The following CEP128 variants were observed in gnomAD, a reference collection of about 807,000 sequenced individuals.
The protein encoded by CEP128 is centrosomal protein 128.
Under a neutral mutation model 156.7 loss-of-function variants are expected in CEP128, and 132 were observed. The ratio of observed to expected loss-of-function variants is 0.84; its 90% CI spans 0.73 to 0.97. The LOEUF is 0.97. Ranked by LOEUF, CEP128 falls within the 50% of genes least tolerant of loss-of-function variation. The probability of loss-of-function intolerance (pLI) is 0.00; values close to 1 mark genes in which losing one functional copy is unlikely to be tolerated. For missense variants in CEP128, 1,252 were observed against 1,281.9 expected, an observed-to-expected ratio of 0.98 and a Z score of 0.36; for synonymous variants, 469 against 448.9, an observed-to-expected ratio of 1.04 and a Z score of -0.57.
intron 19 of CEP128, among the ~76,000 whole-genome samples, chr14:80,610,596 A>G (rs773792113): frequency 6.6e-6 from 1 of 152,160 alleles, no homozygotes; most frequent in Non-Finnish European, 1.5e-5. Context: ...TCTTAGTAAG[A>G]GCATAAATCA....
intron 19 of CEP128, among the ~76,000 whole-genome samples, chr14:80,607,183 A>G (rs539857349): frequency 3.1e-4 from 47 of 152,044 alleles, no homozygotes; most frequent in Non-Finnish European, 5.9e-4. Flanking sequence ...ACGTAAATCT[A>G]TATCATATAG....
intron 22 of CEP128, among the ~76,000 whole-genome samples, chr14:80,528,402 C>G (rs1412494704): frequency 6.6e-6 from 1 of 152,246 alleles, no homozygotes; most frequent in Non-Finnish European, 1.5e-5. Flanking sequence ...AATTCTCCTG[C>G]CCCAGCCTCC....
intron 23 of CEP128, among the ~76,000 whole-genome samples, chr14:80,507,120 G>C (rs1298205470): frequency 6.6e-6 from 1 of 151,712 alleles, no homozygotes; most frequent in Admixed American, 6.6e-5. Context: ...CCTCCCCAAA[G>C]CCAAGCAGAT....
At position 80,497,030 on chromosome 14, in the gene CEP128, T is replaced by C. The variant is rs1393143954; in HGVS notation, c.*449A>G. ...ACATGTTATAACACATGATAATTTA[T>C]TAGGGAGAAAATTTTTCAAAAAATC... is the stretch of plus-strand genomic sequence containing the variant. On this transcript the variant is annotated 3_prime_UTR_variant, in exon 25 of 25. Coordinates refer to ENST00000555265, the MANE Select transcript of CEP128 (RefSeq NM_152446.5). The C allele has an allele frequency of 1.4e-5, 1 of 70,244 alleles. No individual in the cohort carries two copies. Among genetic ancestry groups the C allele is most frequent in the African/African-American group, 3.2e-5 (1 of 31,314 alleles). The allele number at this position is 70,244 out of a possible 1,614,324, so 4.4% of individuals were successfully genotyped here. A position where few individuals can be genotyped will look rare whatever the true frequency, so the allele number is the denominator to read the frequency against.
chr14:80,672,516 G>A (rs1296116834), intron 19 of CEP128, among the ~76,000 whole-genome samples: 1 of 152,188 alleles, frequency 6.6e-6, no homozygotes, highest in Non-Finnish European at 1.5e-5. Flanking sequence ...CAATGTGCAT[G>A]TGTGCATGTG....
At chr14:80,498,962 GAATTC>G (rs907625391) in intron 24 of CEP128, among the ~76,000 whole-genome samples, 1 of 152,128 alleles carries the variant, frequency 6.6e-6, no homozygotes, top group African/African-American at 2.4e-5. Context: ...GCAAAAACCA[GAATTC>G]AATTATTTAA....
chr14:80,547,038 A>G (rs945414799), intron 21 of CEP128, among the ~76,000 whole-genome samples: 1 of 152,184 alleles, frequency 6.6e-6, no homozygotes, highest in Non-Finnish European at 1.5e-5. Flanking sequence ...CAAACTTTAT[A>G]AAATCTTGTG....
At chr14:80,908,788 C>G (rs181214558) in intron 4 of CEP128, among the ~76,000 whole-genome samples, 2 of 152,312 alleles carry the variant, frequency 1.3e-5, no homozygotes, top group African/African-American at 2.4e-5. Context: ...TCTGGTTCTG[C>G]TTCTAATAGA....
intron 13 of CEP128, among the ~76,000 whole-genome samples, chr14:80,815,418 G>A (rs554910578): frequency 6.6e-6 from 1 of 152,130 alleles, no homozygotes; most frequent in Non-Finnish European, 1.5e-5. Flanking sequence ...AAAAATGCCA[G>A]ATGTTGATGA....
intron 19 of CEP128, among the ~76,000 whole-genome samples, chr14:80,692,655 CAATA>C (rs964850685): frequency 2.6e-5 from 4 of 152,040 alleles, no homozygotes; most frequent in African/African-American, 7.2e-5. Context: ...AAATTTTATT[CAATA>C]AATATTTAAT....
At chr14:80,894,590 A>T in intron 8 of CEP128, 1 of 471,340 alleles carries the variant, frequency 2.1e-6, no homozygotes. Context: ...TAGATACCAC[A>T]TTGCCACACA....
chr14:80,894,696 A>G (rs1245409719), intron 8 of CEP128: 1 of 376,116 alleles, frequency 2.7e-6, no homozygotes, highest in Admixed American at 3.8e-5. Flanking sequence ...CAAAAACACA[A>G]AAGAAAAGTA....
chr14:80,810,299 G>C (rs8007834), intron 13 of CEP128, among the ~76,000 whole-genome samples: 74 of 114,660 alleles, frequency 6.5e-4, no homozygotes, highest in African/African-American at 2.3e-3. Context: ...CTCCAGCCTG[G>C]GCGACAGAGC....
At chr14:80,481,701 A>C (rs1209839679) in intron 14 of CEP128, among the ~76,000 whole-genome samples, 1 of 152,222 alleles carries the variant, frequency 6.6e-6, no homozygotes, top group Non-Finnish European at 1.5e-5. Flanking sequence ...TCACATGGCA[A>C]ACAGTGACAG....
intron 19 of CEP128, among the ~76,000 whole-genome samples, chr14:80,732,713 A>G (rs1332290211): frequency 6.6e-6 from 1 of 152,164 alleles, no homozygotes; most frequent in Non-Finnish European, 1.5e-5. Flanking sequence ...GCAGAAACAA[A>G]TAGCTGGAGC....
Position 80,497,302 on chromosome 14 carries a change from G to T in CEP128, c.*177C>A, listed in dbSNP as rs1260239461. The T allele has an allele frequency of 2.4e-5, 13 of 539,328 alleles. No homozygotes were observed. Among genetic ancestry groups the T allele is most frequent in the Admixed American group, 1.1e-4 (3 of 27,770 alleles). The allele number at this position is 539,328 out of a possible 1,614,324, so 33.4% of individuals were successfully genotyped here. A position where few individuals can be genotyped will look rare whatever the true frequency, so the allele number is the denominator to read the frequency against. ...ATCATTCATGATCTGATATTATTTG[G>T]ATTGGTTTACCATTCACAAGGACCA... On this transcript the variant is annotated 3_prime_UTR_variant, in exon 25 of 25. Coordinates refer to ENST00000555265, the MANE Select transcript of CEP128 (RefSeq NM_152446.5).
intron 13 of CEP128, among the ~76,000 whole-genome samples, chr14:80,829,465 C>T (rs1885664791): frequency 1.3e-5 from 2 of 152,142 alleles, no homozygotes; most frequent in Non-Finnish European, 2.9e-5. Context: ...GGCTGGAGTG[C>T]AGTGGCACAA....
intron 20 of CEP128, among the ~76,000 whole-genome samples, chr14:80,567,975 G>A (rs540500047): frequency 2.6e-5 from 4 of 152,150 alleles, no homozygotes; most frequent in East Asian, 3.9e-4. Flanking sequence ...GACACCAGTC[G>A]TGAGGTTAGT....
At chr14:80,667,371 G>A (rs779934023) in intron 19 of CEP128, among the ~76,000 whole-genome samples, 2 of 152,124 alleles carry the variant, frequency 1.3e-5, no homozygotes, top group Non-Finnish European at 2.9e-5. Context: ...GAAAGCCAGA[G>A]TCAACTATAA....
Sources: allele counts gnomAD v4.1 joint callset (sites outside exome capture counted in the v4.1 genomes callset), GRCh38; gene constraint gnomAD v4.1.1; transcripts MANE v1.5; gene names NCBI Gene and HGNC (gene_info 2026-07-23, HGNC 2026-07-21).